The following ZNF248 variants were observed in gnomAD, a reference collection of about 807,000 sequenced individuals.
ZNF248 encodes the protein KRAB protein domain.
Under a neutral mutation model 44.3 loss-of-function variants are expected in ZNF248, and 20 were observed. That is an observed-to-expected ratio of 0.45 (90% CI 0.32 to 0.66). The LOEUF is 0.66. Ranked by LOEUF, ZNF248 falls within the 30% of genes least tolerant of loss-of-function variation. ZNF248 has a pLI of 0.04. For missense variants in ZNF248, 654 were observed against 677.0 expected (o/e 0.97, Z 0.38); for synonymous variants, 224 against 229.0 (o/e 0.98, Z 0.20).
chr10:37,816,521 G>A (rs1480062742), intron 6 of ZNF248, among the ~76,000 whole-genome samples: 1 of 152,196 alleles, frequency 6.6e-6, no homozygotes, highest in African/African-American at 2.4e-5. Flanking sequence ...GTCAGTACTG[G>A]AGGTTTGTTC....
In ZNF248 at chr10:37,832,244, G is replaced by C; in HGVS notation, c.1111C>G (p.Arg371Gly). Reference sequence around the variant, plus strand: ...GTTTTTTCTCCTGTGTGAGCTCTCCGAAGCTGGGTAAGATGTGACTTCTTG... The same window carrying C: ...GTTTTTTCTCCTGTGTGAGCTCTCCCAAGCTGGGTAAGATGTGACTTCTTG... ...FSKKSHLTQLRRAHTGEKTFE... is the reference protein window; with the variant it reads ...FSKKSHLTQLGRAHTGEKTFE... The change falls in exon 6 of 6, where the codon CGG (arginine) becomes GGG (glycine). Residue 371 changes from arginine (R) to glycine (G), a missense_variant. By Grantham distance (125) the Arg-to-Gly change is moderately radical. Transcript: ENST00000395867. 1.2e-6 allele frequency: 2 copies of C among 1,613,988 alleles called. No homozygotes were observed. The highest frequency in any genetic ancestry group is 1.7e-6 in the Non-Finnish European group (2 of 1,179,954).
In ZNF248 at chr10:37,841,660, C is replaced by T. The variant is rs149737890; in HGVS notation, c.16-3549G>A. Among the ~76,000 whole-genome samples the T allele has an allele frequency of 2.9e-3, 440 of 152,264 alleles. 2 individuals are homozygous for T. The highest frequency in any genetic ancestry group is 1.0e-2 in the African/African-American group (415 of 41,556). Reference sequence around the variant, plus strand: ...TCATTCCAAAGAGTACAGTTGAAAACGGAGGACAAAGGAGTAACTTTACAG... The same window carrying T: ...TCATTCCAAAGAGTACAGTTGAAAATGGAGGACAAAGGAGTAACTTTACAG... On this transcript the variant is annotated intron_variant, in intron 3 of 5. Coordinates refer to ENST00000395867, the MANE Select transcript of ZNF248 (RefSeq NM_021045.3).
At chr10:37,848,680 C>A (rs1325556633) in intron 3 of ZNF248, among the ~76,000 whole-genome samples, 1 of 151,844 alleles carries the variant, frequency 6.6e-6, no homozygotes, top group African/African-American at 2.4e-5. Flanking sequence ...TAAGATCAAA[C>A]AGAAGTCAGA....
rs370777477 is a variant in ZNF248, at chr10:37,793,440, G to A, written c.331-16865C>T. 1.3e-4 allele frequency among the ~76,000 whole-genome samples: 20 copies of A among 152,226 alleles called. No homozygotes were observed. The East Asian group carries it at 2.1e-3, about 16-fold the overall frequency. ...AGATTCTTTATTAAAGATGTGGTTC[G>A]ATACCAATGGCCAATACCATCTAAT... On this transcript the variant is annotated intron_variant, in intron 6 of 6. Coordinates refer to the ZNF248 transcript ENST00000615949.
the ZNF248 span, among the ~76,000 whole-genome samples, chr10:37,761,051 C>T: frequency 6.6e-6 from 1 of 152,188 alleles, no homozygotes; most frequent in African/African-American, 2.4e-5. Context: ...TGTGCAACAT[C>T]CCAACTCCAT....
chr10:37,817,453 C>G (rs1207940709), intron 6 of ZNF248, among the ~76,000 whole-genome samples: 2 of 151,918 alleles, frequency 1.3e-5, no homozygotes, highest in Admixed American at 1.3e-4. Flanking sequence ...AGTTGAAAAC[C>G]TAGAGAGACT....
At position 37,828,829 on chromosome 10, in the gene ZNF248, G is replaced by A; in HGVS notation, c.*2786C>T. The A allele has an allele frequency of 2.0e-6, 2 of 985,300 alleles. No homozygotes were observed. The highest frequency in any genetic ancestry group is 1.2e-6 in the Non-Finnish European group (1 of 829,846). 61.0% of individuals were successfully genotyped at this position (985,300 alleles called of 1,614,324 possible). A position where few individuals can be genotyped will look rare whatever the true frequency, so the allele number is the denominator to read the frequency against. ...GCTTACCTTACACCACATACAATAA[G>A]AAACACCACAGGGAGGTATGAATAA... On this transcript the variant is annotated 3_prime_UTR_variant, in exon 6 of 6. Coordinates refer to ENST00000395867, the MANE Select transcript of ZNF248 (RefSeq NM_021045.3).
At chr10:37,791,134 C>T (rs907408784) in intron 6 of ZNF248, among the ~76,000 whole-genome samples, 6 of 141,116 alleles carry the variant, frequency 4.3e-5, no homozygotes, top group South Asian at 2.2e-4. Flanking sequence ...ACCTGCTTCC[C>T]GGGTTCACGC....
At chr10:37,798,541 T>C (rs2049415527) in intron 6 of ZNF248, among the ~76,000 whole-genome samples, 1 of 152,172 alleles carries the variant, frequency 6.6e-6, no homozygotes, top group Admixed American at 6.5e-5. Context: ...ACAAGGTATA[T>C]AGTGTTCTAT....
chr10:37,778,385 T>C (rs2046858964), intron 6 of ZNF248, among the ~76,000 whole-genome samples: 1 of 152,132 alleles, frequency 6.6e-6, no homozygotes, highest in African/African-American at 2.4e-5. Flanking sequence ...ATAGGGTTGT[T>C]TGTTTTTTTC....
In ZNF248 at chr10:37,857,410, G is replaced by A. The variant is rs1035242457; in HGVS notation, c.-351C>T. 1.3e-5 allele frequency: 2 copies of A among 152,278 alleles called. No individual in the cohort carries two copies. The highest frequency in any genetic ancestry group is 4.8e-5 in the African/African-American group (2 of 41,466). 9.4% of individuals were successfully genotyped at this position (152,278 alleles called of 1,614,324 possible). ...AGAGAGGCCCTTGGGGCCGGTGCAGGAGCCGTCTCCCTCGGGCTCTCCCAG... is the reference window on the plus strand; with the variant it reads ...AGAGAGGCCCTTGGGGCCGGTGCAGAAGCCGTCTCCCTCGGGCTCTCCCAG... On this transcript the variant is annotated 5_prime_UTR_variant, in exon 1 of 6. Transcript: ENST00000395867.
At position 37,790,435 on chromosome 10, in the gene ZNF248, G is replaced by A. The variant is rs952239164; in HGVS notation, c.331-13860C>T. Reference sequence around the variant, plus strand: ...TCTCTACAAAATAAAAAGTTAGGCCGGGCACAGTGGCTCACGCCTGTAATC... The same window carrying A: ...TCTCTACAAAATAAAAAGTTAGGCCAGGCACAGTGGCTCACGCCTGTAATC... On this transcript the variant is annotated intron_variant, in intron 6 of 6. Coordinates refer to the ZNF248 transcript ENST00000615949. Among the ~76,000 whole-genome samples, 8 of 151,838 alleles carry A rather than the reference G, an allele frequency of 5.3e-5. 1 individual carries two copies. Among genetic ancestry groups the A allele is most frequent in the South Asian group, 2.1e-4 (1 of 4,816 alleles).
Position 37,829,034 on chromosome 10 carries a change from A to G in ZNF248, c.*2581T>C, listed in dbSNP as rs562744142. On this transcript the variant is annotated 3_prime_UTR_variant, in exon 6 of 6. Coordinates refer to ENST00000395867, the MANE Select transcript of ZNF248 (RefSeq NM_021045.3). ...TCTACATAGGAATTTACAGAAATGA[A>G]TAACACTGTGCTGCTTATTCTCCAT... The G allele has an allele frequency of 5.1e-6, 5 of 985,340 alleles. No individual in the cohort carries two copies. The highest frequency in any genetic ancestry group is 5.2e-4 in the Middle Eastern group (1 of 1,936). 61.0% of individuals were successfully genotyped at this position (985,340 alleles called of 1,614,324 possible). A position where few individuals can be genotyped will look rare whatever the true frequency, so the allele number is the denominator to read the frequency against.
intron 3 of ZNF248, among the ~76,000 whole-genome samples, chr10:37,852,324 T>C (rs1211637750): frequency 1.3e-5 from 2 of 152,044 alleles, no homozygotes; most frequent in Non-Finnish European, 2.9e-5. Flanking sequence ...TTGACACATA[T>C]ACAACCCGGA....
At chr10:37,761,769 G>T in the ZNF248 span, among the ~76,000 whole-genome samples, 1 of 152,144 alleles carries the variant, frequency 6.6e-6, no homozygotes. Flanking sequence ...CTTCAAAAAG[G>T]TTGCCTGAGT....
the ZNF248 span, among the ~76,000 whole-genome samples, chr10:37,769,725 C>G: frequency 6.6e-6 from 1 of 152,092 alleles, no homozygotes; most frequent in Admixed American, 6.5e-5. Flanking sequence ...GACAGGGATG[C>G]CCTCTCTCAC....
In ZNF248 at chr10:37,802,737, T is replaced by G. The variant is rs1564492958; in HGVS notation, c.331-26162A>C. The G allele has an allele frequency of 2.6e-5, 4 of 152,342 alleles. No individual in the cohort carries two copies. The South Asian group carries it at 8.3e-4, about 32-fold the overall frequency. 9.4% of individuals were successfully genotyped at this position (152,342 alleles called of 1,614,324 possible). A position where few individuals can be genotyped will look rare whatever the true frequency, so the allele number is the denominator to read the frequency against. ...ACGCAGGTGCTTTAGTTGTTTATTT[T>G]AACTCAGTTGCAGTTTCTCAAAAGG... On this transcript the variant is annotated intron_variant, in intron 6 of 6. Coordinates refer to the ZNF248 transcript ENST00000615949.
chr10:37,849,685 A>G (rs1009375929), intron 3 of ZNF248, among the ~76,000 whole-genome samples: 27 of 148,434 alleles, frequency 1.8e-4, no homozygotes, highest in African/African-American at 6.6e-4. Context: ...AGACTGTCTC[A>G]AAAAAAAAAA....
intron 6 of ZNF248, among the ~76,000 whole-genome samples, chr10:37,798,491 A>G (rs910026599): frequency 6.6e-6 from 1 of 152,196 alleles, no homozygotes; most frequent in African/African-American, 2.4e-5. Context: ...CTAATTTGGA[A>G]AGATCTCCAG....
Sources: allele counts gnomAD v4.1 joint callset (sites outside exome capture counted in the v4.1 genomes callset), GRCh38; gene constraint gnomAD v4.1.1; transcripts MANE v1.5; gene names NCBI Gene and HGNC (gene_info 2026-07-23, HGNC 2026-07-21).